KCNJ3: variants seen among roughly 807,000 people sequenced by gnomAD.
KCNJ3 encodes G protein-activated inward rectifier potassium channel 1.
Under a neutral mutation model 39.2 loss-of-function variants are expected in KCNJ3, and 4 were observed. The ratio of observed to expected loss-of-function variants is 0.10; its 90% CI spans 0.05 to 0.23. The LOEUF is 0.23. Among genes scored for constraint, KCNJ3 ranks in the 10% least tolerant of loss-of-function variants. The pLI, the probability that KCNJ3 is intolerant of heterozygous loss-of-function variation, is 1.00. For synonymous variants in KCNJ3, 230 were observed against 237.4 expected (o/e 0.97, Z 0.29); for missense variants, 276 against 634.9 (o/e 0.43, Z 6.08).
At chr2:154,838,824 T>C (rs1304483933) in intron 2 of KCNJ3, among the ~76,000 whole-genome samples, 5 of 152,252 alleles carry the variant, frequency 3.3e-5, no homozygotes, top group Non-Finnish European at 5.9e-5. Flanking sequence ...GAAACATATG[T>C]CATTGCTTTA....
intron 1 of KCNJ3, among the ~76,000 whole-genome samples, chr2:154,705,546 T>A (rs1222018151): frequency 2.0e-5 from 3 of 152,186 alleles, no homozygotes; most frequent in Non-Finnish European, 4.4e-5. Context: ...CAAAGGCCTT[T>A]GACTTGAATT....
chr2:154,728,129 A>G (rs994548384), intron 2 of KCNJ3, among the ~76,000 whole-genome samples: 2 of 152,076 alleles, frequency 1.3e-5, no homozygotes, highest in African/African-American at 4.8e-5. Context: ...TCTTTTGATT[A>G]TATCAAAATT....
intron 2 of KCNJ3, among the ~76,000 whole-genome samples, chr2:154,826,908 G>T (rs949418690): frequency 6.6e-6 from 1 of 152,120 alleles, no homozygotes; most frequent in African/African-American, 2.4e-5. Context: ...CAGAATTTTG[G>T]ACTTACTAAG....
intron 2 of KCNJ3, among the ~76,000 whole-genome samples, chr2:154,829,410 T>C (rs958506647): frequency 3.3e-5 from 5 of 152,142 alleles, no homozygotes; most frequent in African/African-American, 4.8e-5. Flanking sequence ...GTTAGTTTGC[T>C]TAGGATAATG....
At chr2:154,705,348 G>A (rs139103373) in intron 1 of KCNJ3, among the ~76,000 whole-genome samples, 1 of 152,260 alleles carries the variant, frequency 6.6e-6, no homozygotes, top group African/African-American at 2.4e-5. Context: ...GTATGTATAT[G>A]TATGTGTGTG....
intron 2 of KCNJ3, among the ~76,000 whole-genome samples, chr2:154,747,121 G>A (rs903315931): frequency 6.6e-6 from 1 of 151,760 alleles, no homozygotes; most frequent in Non-Finnish European, 1.5e-5. Context: ...ACTAAGAAGT[G>A]AATTATTTTC....
chr2:154,739,957 T>C (rs1685623725), intron 2 of KCNJ3, among the ~76,000 whole-genome samples: 1 of 152,006 alleles, frequency 6.6e-6, no homozygotes, highest in African/African-American at 2.4e-5. Flanking sequence ...TCTCTGTAAA[T>C]AGAAACGAGA....
At chr2:154,768,328 T>A (rs1282795638) in intron 2 of KCNJ3, among the ~76,000 whole-genome samples, 4 of 152,250 alleles carry the variant, frequency 2.6e-5, no homozygotes, top group African/African-American at 7.2e-5. Context: ...AGGTCTAACA[T>A]GTAAGTCTTT....
chr2:154,728,930 T>C (rs3111011), intron 2 of KCNJ3, among the ~76,000 whole-genome samples: 82,515 of 151,908 alleles, frequency 0.54, 23,507 homozygotes, highest in African/African-American at 0.72. Flanking sequence ...TGTTAGTGGG[T>C]TTAGCACATT....
At chr2:154,824,921 G>T (rs948388776) in intron 2 of KCNJ3, among the ~76,000 whole-genome samples, 3 of 152,210 alleles carry the variant, frequency 2.0e-5, no homozygotes, top group African/African-American at 7.2e-5. Context: ...ATGCAGTGAA[G>T]CATGTGTGAA....
chr2:154,845,138 G>GAGAC (rs1293898218), intron 2 of KCNJ3, among the ~76,000 whole-genome samples: 2 of 152,060 alleles, frequency 1.3e-5, no homozygotes, highest in East Asian at 3.9e-4. Context: ...TATATTTTTT[G>GAGAC]AGACAGAGTC....
At chr2:154,805,410 GA>G (rs1396472839) in intron 2 of KCNJ3, among the ~76,000 whole-genome samples, 1 of 152,084 alleles carries the variant, frequency 6.6e-6, no homozygotes, top group Non-Finnish European at 1.5e-5. Flanking sequence ...TTTCTCTTCA[GA>G]AAACATTTCA....
intron 2 of KCNJ3, among the ~76,000 whole-genome samples, chr2:154,752,303 G>A (rs1403553760): frequency 1.3e-5 from 2 of 151,836 alleles, no homozygotes; most frequent in Non-Finnish European, 2.9e-5. Context: ...AGTCAACTAG[G>A]AAATGTGATG....
intron 2 of KCNJ3, among the ~76,000 whole-genome samples, chr2:154,839,302 T>C (rs1224626435): frequency 6.6e-6 from 1 of 152,226 alleles, no homozygotes; most frequent in Non-Finnish European, 1.5e-5. Context: ...CTGTATAATA[T>C]ATGTGCCACA....
intron 2 of KCNJ3, among the ~76,000 whole-genome samples, chr2:154,713,053 G>T (rs892654808): frequency 6.6e-6 from 1 of 152,020 alleles, no homozygotes; most frequent in South Asian, 2.1e-4. Context: ...GCCATGTGGA[G>T]AGTGGGGTGA....
chr2:154,728,080 T>C (rs759087550), intron 2 of KCNJ3, among the ~76,000 whole-genome samples: 14 of 152,012 alleles, frequency 9.2e-5, no homozygotes, highest in Non-Finnish European at 1.9e-4. Context: ...CCCCTGTTAT[T>C]CTTATTAGTA....
intron 2 of KCNJ3, among the ~76,000 whole-genome samples, chr2:154,807,661 G>A (rs190773499): frequency 1.3e-5 from 2 of 152,316 alleles, no homozygotes; most frequent in African/African-American, 4.8e-5. Context: ...TGGAGCTACA[G>A]GAGCTAGGGT....
At chr2:154,702,163 T>C (rs974350522) in intron 1 of KCNJ3, among the ~76,000 whole-genome samples, 16 of 152,114 alleles carry the variant, frequency 1.1e-4, no homozygotes, top group African/African-American at 3.6e-4. Flanking sequence ...GATTAAATAT[T>C]ACACACAATT....
intron 2 of KCNJ3, among the ~76,000 whole-genome samples, chr2:154,761,062 C>CTTTTT (rs11375045): frequency 3.7e-5 from 5 of 133,902 alleles, no homozygotes; most frequent in East Asian, 2.2e-4. Flanking sequence ...TTAATTTTTT[C>CTTTTT]TTTTTTTTTT....
Sources: allele counts gnomAD v4.1 joint callset (sites outside exome capture counted in the v4.1 genomes callset), GRCh38; gene constraint gnomAD v4.1.1; transcripts MANE v1.5; gene names NCBI Gene and HGNC (gene_info 2026-07-23, HGNC 2026-07-21).